The following PHACTR3 variants were observed in gnomAD, a reference collection of about 807,000 sequenced individuals.
PHACTR3 encodes phosphatase and actin regulator 3.
A neutral mutation model predicts 66.8 loss-of-function variants in PHACTR3; 16 were observed. The observed-to-expected ratio is 0.24, with a 90% CI of 0.16 to 0.36. The LOEUF is 0.36. Among genes scored for constraint, PHACTR3 ranks in the 10% least tolerant of loss-of-function variants. PHACTR3 has a pLI of 1.00. For synonymous variants in PHACTR3, 323 were observed against 292.1 expected, an observed-to-expected ratio of 1.11 and a Z score of -1.08; for missense variants, 647 against 719.9, an observed-to-expected ratio of 0.90 and a Z score of 1.16.
At chr20:59,833,591 C>G (rs561707171) in intron 8 of PHACTR3, among the ~76,000 whole-genome samples, 30 of 152,292 alleles carry the variant, frequency 2.0e-4, no homozygotes, top group Middle Eastern at 6.8e-3. Context: ...CCAGTGGACA[C>G]TAGCCTCCAG....
At chr20:59,730,747 C>T (rs961155277) in intron 1 of PHACTR3, among the ~76,000 whole-genome samples, 2 of 152,156 alleles carry the variant, frequency 1.3e-5, no homozygotes, top group African/African-American at 4.8e-5. Context: ...ACCAAATGCA[C>T]TTTCTACTAG....
intron 1 of PHACTR3, among the ~76,000 whole-genome samples, chr20:59,633,268 T>C (rs749590280): frequency 8.6e-4 from 131 of 152,088 alleles, no homozygotes; most frequent in Non-Finnish European, 1.4e-3. Context: ...CCATCAATGA[T>C]AGATTGGATA....
At chr20:59,847,032 A>T in intron 12 of PHACTR3, 83 bp from the exon 13 acceptor site, 1 of 965,740 alleles carries the variant, frequency 1.0e-6, no homozygotes. Context: ...AATAGCAGCA[A>T]ATTTATTTGT....
chr20:59,743,199 C>G lies in PHACTR3; in HGVS notation c.211C>G (p.Leu71Val). 6.2e-7 allele frequency: 1 copy of G among 1,614,098 alleles called. No homozygotes were observed. The highest frequency in any genetic ancestry group is 8.5e-7 in the Non-Finnish European group (1 of 1,179,974). ...PVRRNSKLATLGRIFKPWKWR... is the reference protein window; with the variant it reads ...PVRRNSKLATVGRIFKPWKWR... ...GAGGAGGAACAGCAAACTGGCCACC[C>G]TGGGCAGGATCTTCAAACCCTGGAA... The change falls in exon 2 of 13, where the codon CTG becomes GTG. Residue 71 changes from leucine (L) to valine (V), a missense_variant. Physicochemically the swap from Leu to Val is conservative, Grantham distance 32 (BLOSUM62 1). Around this residue, in one of 2 missense-constraint regions of PHACTR3, gnomAD observed 577 missense variants for 571.1 expected, o/e 1.01. Transcript: ENST00000371015.
chr20:59,686,580 TGTGATGATGATG>T (rs1306152440), intron 1 of PHACTR3, among the ~76,000 whole-genome samples: 18 of 120,710 alleles, frequency 1.5e-4, no homozygotes, highest in South Asian at 2.7e-4. Context: ...TCGTGATGAT[TGTGATGATGATG>T]GTGATGATGA....
At chr20:59,748,663 A>G (rs546688035) in intron 3 of PHACTR3, among the ~76,000 whole-genome samples, 1 of 152,230 alleles carries the variant, frequency 6.6e-6, no homozygotes, top group Admixed American at 6.5e-5. Flanking sequence ...TGAGAGGCTA[A>G]ATCTTGGTTA....
chr20:59,755,154 C>T, intron 3 of PHACTR3, 28 bp from the exon 4 acceptor site: 1 of 1,601,432 alleles, frequency 6.2e-7, no homozygotes, highest in African/African-American at 1.3e-5. Context: ...GAGGTGCAGG[C>T]CCAGCTGACA....
At chr20:59,764,616 A>G (rs1465018742) in intron 4 of PHACTR3, among the ~76,000 whole-genome samples, 1 of 152,180 alleles carries the variant, frequency 6.6e-6, no homozygotes, top group African/African-American at 2.4e-5. Context: ...CGGATGCTGG[A>G]TACTGGTGTA....
At chr20:59,741,548 T>C (rs1360742352) in intron 1 of PHACTR3, among the ~76,000 whole-genome samples, 1 of 152,242 alleles carries the variant, frequency 6.6e-6, no homozygotes, top group Non-Finnish European at 1.5e-5. Context: ...TGAACTCTGC[T>C]CTACACTGTG....
At chr20:59,601,177 T>G (rs1258056689), upstream of PHACTR3, among the ~76,000 whole-genome samples, 3 of 152,192 alleles carry the variant, frequency 2.0e-5, no homozygotes, top group African/African-American at 2.4e-5. Flanking sequence ...CAGATCTGCT[T>G]TCTGATTGGA....
At chr20:59,840,792 G>A (rs186555172) in intron 10 of PHACTR3, among the ~76,000 whole-genome samples, 12 of 152,308 alleles carry the variant, frequency 7.9e-5, no homozygotes, top group Admixed American at 4.6e-4. Context: ...TACACTCATC[G>A]CTTTTGTTCA....
At chr20:59,710,691 A>G (rs2037881903) in intron 1 of PHACTR3, among the ~76,000 whole-genome samples, 1 of 152,008 alleles carries the variant, frequency 6.6e-6, no homozygotes, top group Non-Finnish European at 1.5e-5. Flanking sequence ...CTTCATCCTC[A>G]TTAACCTTTA....
intron 8 of PHACTR3, among the ~76,000 whole-genome samples, chr20:59,832,489 G>T (rs2042412140): frequency 6.6e-6 from 1 of 152,184 alleles, no homozygotes; most frequent in Non-Finnish European, 1.5e-5. Flanking sequence ...TTTGTCCTTG[G>T]TATCTGGTGG....
intron 4 of PHACTR3, among the ~76,000 whole-genome samples, chr20:59,763,257 C>T (rs1474678136): frequency 1.3e-5 from 2 of 152,214 alleles, no homozygotes; most frequent in African/African-American, 4.8e-5. Flanking sequence ...TTCTCCTTTG[C>T]CTTCTGCCAT....
chr20:59,783,243 C>T (rs373304688), intron 7 of PHACTR3, among the ~76,000 whole-genome samples: 2 of 152,152 alleles, frequency 1.3e-5, no homozygotes, highest in Admixed American at 1.3e-4. Context: ...CACCAGATGG[C>T]GCTGGAGATG....
intron 11 of PHACTR3, among the ~76,000 whole-genome samples, chr20:59,841,982 T>G (rs1408282477): frequency 6.6e-6 from 1 of 152,036 alleles, no homozygotes; most frequent in African/African-American, 2.4e-5. Flanking sequence ...AGAGCTACAG[T>G]GGGGACAAAG....
chr20:59,767,940 C>G (rs2040237332), intron 5 of PHACTR3, among the ~76,000 whole-genome samples: 1 of 151,980 alleles, frequency 6.6e-6, no homozygotes, highest in East Asian at 1.9e-4. Context: ...CTCTGAGTCT[C>G]AGTCTCTTTC....
At chr20:59,806,313 G>A in intron 8 of PHACTR3, 119 bp downstream of exon 8, 3 of 1,343,622 alleles carry the variant, frequency 2.2e-6, no homozygotes, top group Non-Finnish European at 3.0e-6. Flanking sequence ...GTCTGCAGCA[G>A]GTCTCTTGAC....
intron 1 of PHACTR3, among the ~76,000 whole-genome samples, chr20:59,723,066 CTTTCTTTCTTTCTT>C (rs2038393368): frequency 2.4e-5 from 2 of 85,062 alleles, no homozygotes; most frequent in African/African-American, 1.0e-4. Flanking sequence ...CTTTCTCTTT[CTTTCTTTCTTTCTT>C]TCTTTCTTTC....
Sources: allele counts gnomAD v4.1 joint callset (sites outside exome capture counted in the v4.1 genomes callset), GRCh38; gene constraint gnomAD v4.1.1; regional missense constraint gnomAD v4.1.1; transcripts MANE v1.5; gene names NCBI Gene and HGNC (gene_info 2026-07-23, HGNC 2026-07-21).